Variants in DARS1 observed in about 807,000 individuals in gnomAD.
DARS1 encodes the protein aspartate--tRNA ligase, cytoplasmic.
Under a neutral mutation model 68.8 loss-of-function variants are expected in DARS1, and 51 were observed. That is an observed-to-expected ratio of 0.74 (90% CI 0.59 to 0.94). DARS1 has a LOEUF of 0.94. DARS1 is among the 40% of genes least tolerant of loss of function. The pLI is 0.00. For missense variants in DARS1, 607 were observed against 597.3 expected, an observed-to-expected ratio of 1.02 and a Z score of -0.17; for synonymous variants, 203 against 190.4, an observed-to-expected ratio of 1.07 and a Z score of -0.55.
At chr2:135,915,507 C>T (rs541252096) in intron 11 of DARS1, among the ~76,000 whole-genome samples, 4 of 152,066 alleles carry the variant, frequency 2.6e-5, no homozygotes, top group East Asian at 3.9e-4. Context: ...AGGCTGGTCC[C>T]GAAATCCTGG....
intron 7 of DARS1, among the ~76,000 whole-genome samples, chr2:135,925,907 G>A (rs1043500697): frequency 6.6e-6 from 1 of 152,158 alleles, no homozygotes; most frequent in Admixed American, 6.5e-5. Flanking sequence ...CTATAAGAGG[G>A]TCACTGAATA....
At chr2:135,949,672 T>C (rs1681801600) in intron 4 of DARS1, among the ~76,000 whole-genome samples, 1 of 152,228 alleles carries the variant, frequency 6.6e-6, no homozygotes, top group Admixed American at 6.5e-5. Flanking sequence ...TTCATTTTTA[T>C]ATGCATTCAT....
chr2:135,959,449 T>A (rs1682054579), intron 4 of DARS1, among the ~76,000 whole-genome samples: 1 of 120,990 alleles, frequency 8.3e-6, no homozygotes, highest in Non-Finnish European at 1.7e-5. Context: ...CCGTATATCA[T>A]CCCATTTGGA....
At chr2:135,945,180 T>C (rs1024004544) in intron 4 of DARS1, among the ~76,000 whole-genome samples, 4 of 151,718 alleles carry the variant, frequency 2.6e-5, no homozygotes, top group African/African-American at 7.3e-5. Context: ...TAGGCTGGAG[T>C]GCAGTGGCTC....
chr2:135,974,859 C>A (rs1294532998), intron 3 of DARS1, among the ~76,000 whole-genome samples: 1 of 151,988 alleles, frequency 6.6e-6, no homozygotes, highest in Non-Finnish European at 1.5e-5. Flanking sequence ...AAAATAGGAA[C>A]AGGGCAAGAA....
intron 5 of DARS1, 68 bp downstream of exon 5, chr2:135,943,310 T>C: frequency 1.3e-6 from 2 of 1,556,334 alleles, no homozygotes; most frequent in African/African-American, 1.4e-5. Context: ...AACATATAAA[T>C]TTGACATGAA....
intron 5 of DARS1, among the ~76,000 whole-genome samples, chr2:135,940,797 G>A (rs1365588510): frequency 2.0e-5 from 3 of 152,122 alleles, no homozygotes; most frequent in South Asian, 2.1e-4. Context: ...AAGCTGATAC[G>A]CAACTTCAGC....
At chr2:135,940,103 T>G (rs1296480659) in intron 5 of DARS1, among the ~76,000 whole-genome samples, 1 of 152,234 alleles carries the variant, frequency 6.6e-6, no homozygotes, top group Non-Finnish European at 1.5e-5. Context: ...GTACCATTCC[T>G]TCTGAAACTA....
chr2:135,944,863 T>C (rs997636336), intron 4 of DARS1, among the ~76,000 whole-genome samples: 1 of 152,324 alleles, frequency 6.6e-6, no homozygotes, highest in Middle Eastern at 3.4e-3. Context: ...TAACTGAGTG[T>C]ATATTCAGGC....
chr2:135,952,159 G>T (rs892387279), intron 4 of DARS1, among the ~76,000 whole-genome samples: 4 of 152,290 alleles, frequency 2.6e-5, no homozygotes, highest in Non-Finnish European at 5.9e-5. Context: ...CAGGAGAATC[G>T]CTTGAACCTG....
intron 4 of DARS1, among the ~76,000 whole-genome samples, chr2:135,947,378 T>C (rs1373763127): frequency 1.4e-5 from 2 of 147,038 alleles, no homozygotes; most frequent in Admixed American, 1.4e-4. Context: ...ACTGCACTCC[T>C]GCCTGGGTGA....
At chr2:135,950,044 T>C (rs1301015866) in intron 4 of DARS1, among the ~76,000 whole-genome samples, 1 of 152,212 alleles carries the variant, frequency 6.6e-6, no homozygotes, top group Non-Finnish European at 1.5e-5. Context: ...AACTATCTGA[T>C]TTGATATTTT....
chr2:135,981,195 G>C (rs1283492012), intron 2 of DARS1, among the ~76,000 whole-genome samples: 1 of 152,198 alleles, frequency 6.6e-6, no homozygotes, highest in East Asian at 1.9e-4. Context: ...GCCAGCAAAA[G>C]AACAACAGCA....
chr2:135,985,456 T>C lies in DARS1; in HGVS notation c.13A>G (p.Ser5Gly). The change falls in exon 1 of 16, where the codon AGC becomes GGC. Residue 5 changes from serine to glycine, a missense_variant. Physicochemically the swap from Ser to Gly is moderately conservative, Grantham distance 56. Coordinates refer to ENST00000264161, the MANE Select transcript of DARS1 (RefSeq NM_001349.4). ...TTCTCCTGACTCTTGCGGCTGGCGCTGGCGCTGGGCATCGGGACACGGAAC... is the reference window on the plus strand; with the variant it reads ...TTCTCCTGACTCTTGCGGCTGGCGCCGGCGCTGGGCATCGGGACACGGAAC... MPSA[S>G]ASRKSQEKPR... is the part of the protein sequence containing the mutation. 1 of 1,613,904 alleles carries C rather than the reference T, an allele frequency of 6.2e-7. No homozygotes were observed. Among genetic ancestry groups the C allele is most frequent in the Non-Finnish European group, 8.5e-7 (1 of 1,179,956 alleles).
chr2:135,920,327 A>G (rs1241769031), intron 10 of DARS1, 126 bp downstream of exon 10: 1 of 1,374,410 alleles, frequency 7.3e-7, no homozygotes, highest in Non-Finnish European at 9.5e-7. Flanking sequence ...GGATCATCTA[A>G]CTGGTAAATC....
intron 5 of DARS1, among the ~76,000 whole-genome samples, chr2:135,942,146 A>G (rs1322738010): frequency 2.6e-5 from 4 of 152,132 alleles, no homozygotes; most frequent in Non-Finnish European, 5.9e-5. Context: ...CAGCCATCCC[A>G]TTACTGGGTA....
At chr2:135,938,539 G>A (rs1681521732) in intron 5 of DARS1, among the ~76,000 whole-genome samples, 1 of 152,150 alleles carries the variant, frequency 6.6e-6, no homozygotes, top group Non-Finnish European at 1.5e-5. Flanking sequence ...TGCTGGCGAG[G>A]AGCTGCGTTC....
chr2:135,907,680 T>A (rs1340648792), intron 15 of DARS1, among the ~76,000 whole-genome samples: 1 of 152,158 alleles, frequency 6.6e-6, no homozygotes, highest in Non-Finnish European at 1.5e-5. Flanking sequence ...GAACAAAATC[T>A]ATGATGTAAC....
intron 5 of DARS1, among the ~76,000 whole-genome samples, chr2:135,941,026 G>A (rs1014430056): frequency 6.6e-6 from 1 of 152,188 alleles, no homozygotes; most frequent in African/African-American, 2.4e-5. Flanking sequence ...CAAACAAATG[G>A]AAGAACATTG....
Sources: gnomAD v4.1 joint callset for allele counts (sites outside exome capture counted in the v4.1 genomes callset) on GRCh38, gnomAD v4.1.1 for gene constraint, MANE v1.5 for transcripts, NCBI Gene and HGNC (gene_info 2026-07-23, HGNC 2026-07-21) for gene names.